Variants in ANKRD16 observed in about 807,000 individuals in gnomAD.
ANKRD16 encodes ankyrin repeat domain 16, also known as ankyrin repeat domain-containing protein 16.
Under a neutral mutation model 37.9 loss-of-function variants are expected in ANKRD16, and 35 were observed. The ratio of observed to expected loss-of-function variants is 0.92; its 90% CI spans 0.71 to 1.23. ANKRD16 has a LOEUF of 1.23. Ranked by LOEUF, ANKRD16 falls within the 50% of genes most tolerant of loss-of-function variation. The pLI is 0.00. For synonymous variants in ANKRD16, 206 were observed against 197.2 expected, an observed-to-expected ratio of 1.04 and a Z score of -0.37; for missense variants, 480 against 469.9, an observed-to-expected ratio of 1.02 and a Z score of -0.20.
In ANKRD16 at chr10:5,862,542, C is replaced by T; in HGVS notation, c.*183G>A. On this transcript the variant is annotated 3_prime_UTR_variant, in exon 8 of 8. Transcript: ENST00000380094. This position sits in a 1 kb window ranked among gnomAD's most constrained non-coding sequence, Gnocchi z 6.5. ...TGCAGATGTGGCACTGACTTCACCA[C>T]TGGTACACCTCAGATATACAACTTT... 1 of 1,220,814 alleles carries T rather than the reference C, an allele frequency of 8.2e-7. No individual in the cohort carries two copies. The highest frequency in any genetic ancestry group is 5.7e-5 in the East Asian group (1 of 17,538). The allele number at this position is 1,220,814 out of a possible 1,614,324, so 75.6% of individuals were successfully genotyped here.
chr10:5,880,635 AG>A (rs1296711662), intron 5 of ANKRD16, among the ~76,000 whole-genome samples: 2 of 146,446 alleles, frequency 1.4e-5, no homozygotes, highest in Admixed American at 1.4e-4. Flanking sequence ...TAAAAGGAGC[AG>A]GGGGGGGATT....
At position 5,874,739 on chromosome 10, in the gene ANKRD16, G is replaced by C. The variant is rs1342706896; in HGVS notation, c.*33+3358C>G. Among the ~76,000 whole-genome samples, 1 of 152,172 alleles carries C rather than the reference G, an allele frequency of 6.6e-6. No homozygotes were observed. Among genetic ancestry groups the C allele is most frequent in the Non-Finnish European group, 1.5e-5 (1 of 68,036 alleles). On this transcript the variant is annotated intron_variant, in intron 7 of 7. Transcript: ENST00000380094. This position sits in a 1 kb window ranked among gnomAD's most constrained non-coding sequence, Gnocchi z 4.7. ...CATGCAGAAACGTAAGCAGGCAGTG[G>C]AAAGTAAGGGCTAGAGAGAGATCTG...
chr10:5,881,921 T>C (rs1842323464), intron 5 of ANKRD16, among the ~76,000 whole-genome samples: 1 of 151,728 alleles, frequency 6.6e-6, no homozygotes, highest in East Asian at 2.0e-4. Context: ...TCTCCTGACC[T>C]CACGATCCAC....
chr10:5,881,442 ATATAT>A (rs1413821182), intron 5 of ANKRD16, among the ~76,000 whole-genome samples: 26 of 108,800 alleles, frequency 2.4e-4, no homozygotes, highest in African/African-American at 8.6e-4. Flanking sequence ...TATTATTTAT[ATATAT>A]ATATATATAT....
chr10:5,872,827 A>G (rs1419110623), intron 7 of ANKRD16, among the ~76,000 whole-genome samples: 1 of 151,446 alleles, frequency 6.6e-6, no homozygotes, highest in Non-Finnish European at 1.5e-5. Flanking sequence ...AAGTGCTGGC[A>G]TTACAGGCGT....
rs1010911917 is a variant in ANKRD16 at position 5,869,780 on chromosome 10, T to A, written c.*34-7089A>T. 3.2e-4 allele frequency among the ~76,000 whole-genome samples: 1 copy of A among 3,136 alleles called. No individual in the cohort carries two copies. The allele number at this position is 3,136 out of a possible 152,430, so 2.1% of individuals were successfully genotyped here. A position where few individuals can be genotyped will look rare whatever the true frequency, so the allele number is the denominator to read the frequency against. ...AGCTGGGGGTTGCTGGGGGGAGGGG[T>A]GGGTGGGTGGGAATCTGCATCTTTA... On this transcript the variant is annotated intron_variant, in intron 7 of 7. Coordinates refer to ENST00000380094, the MANE Select transcript of ANKRD16 (RefSeq NM_019046.3). This position sits in a 1 kb window ranked among gnomAD's most constrained non-coding sequence, Gnocchi z 4.0.
In ANKRD16 at chr10:5,869,621, T is replaced by C. The variant is rs1463965031; in HGVS notation, c.*34-6930A>G. On this transcript the variant is annotated intron_variant, in intron 7 of 7. Transcript: ENST00000380094. This position sits in a 1 kb window ranked among gnomAD's most constrained non-coding sequence, Gnocchi z 4.0. Reference sequence around the variant, plus strand: ...CAGCACCAAGGGCCCCAGCTCCTGCTCAGCACCCTTCTGCTCAGCTTTCCC... The same window carrying C: ...CAGCACCAAGGGCCCCAGCTCCTGCCCAGCACCCTTCTGCTCAGCTTTCCC... 6.6e-6 allele frequency among the ~76,000 whole-genome samples: 1 copy of C among 152,066 alleles called. No individual in the cohort carries two copies. Among genetic ancestry groups the C allele is most frequent in the African/African-American group, 2.4e-5 (1 of 41,414 alleles).
chr10:5,873,984 G>A lies in ANKRD16; in HGVS notation c.*33+4113C>T, dbSNP rs537270535. Among the ~76,000 whole-genome samples the A allele has an allele frequency of 7.9e-5, 12 of 151,630 alleles. No individual in the cohort carries two copies. The South Asian group carries it at 1.2e-3, about 16-fold the overall frequency. ...TGGTTCACTGCAACCTCCAACTCCC[G>A]GGTTCCAGTGATTCTCCTGCCTCAG... On this transcript the variant is annotated intron_variant, in intron 7 of 7. Transcript: ENST00000380094.
chr10:5,883,245 C>T (rs1589024040), intron 4 of ANKRD16, 78 bp from the exon 5 acceptor site: 7 of 1,488,662 alleles, frequency 4.7e-6, no homozygotes, highest in African/African-American at 1.4e-5. Flanking sequence ...TCTGCTGGCA[C>T]TTCAGCAAAA....
At chr10:5,875,574 A>G (rs1268392804) in intron 7 of ANKRD16, among the ~76,000 whole-genome samples, 1 of 152,212 alleles carries the variant, frequency 6.6e-6, no homozygotes, top group Non-Finnish European at 1.5e-5. Context: ...GACCCAAAGG[A>G]GGTGAGTAAA....
Position 5,889,267 on chromosome 10 carries a change from C to T in ANKRD16, c.88G>A (p.Gly30Arg), listed in dbSNP as rs3750659. 0.039 allele frequency: 57,271 copies of T among 1,467,994 alleles called. 1,515 individuals carry two copies. Among genetic ancestry groups the T allele is most frequent in the East Asian group, 0.11 (3,834 of 36,322 alleles). 90.9% of individuals were successfully genotyped at this position (1,467,994 alleles called of 1,614,324 possible). A position where few individuals can be genotyped will look rare whatever the true frequency, so the allele number is the denominator to read the frequency against. Residue 30 changes from glycine to arginine, a missense_variant, in exon 1 of 8, where the codon GGG becomes AGG. Gly to Arg is a moderately radical substitution (Grantham distance 125). Coordinates refer to ENST00000380094, the MANE Select transcript of ANKRD16 (RefSeq NM_019046.3). ...TCCCCGGCCGGCCCCGGGCAGCCCC[C>T]GGCCGCCTGCAGCTCCTCCTTCAGG... ...RALKEELQAA[G>R]GCPGPAGDTL... is the part of the protein sequence containing the mutation.
intron 6 of ANKRD16, among the ~76,000 whole-genome samples, chr10:5,879,256 T>C (rs1842241515): frequency 6.6e-6 from 1 of 152,248 alleles, no homozygotes; most frequent in South Asian, 2.1e-4. Context: ...GGCAGATCAC[T>C]TGAGGTCAGG....
intron 2 of ANKRD16, among the ~76,000 whole-genome samples, 180 bp downstream of exon 2, chr10:5,887,667 G>C (rs1228928509): frequency 1.3e-5 from 2 of 151,272 alleles, no homozygotes; most frequent in African/African-American, 4.8e-5. Context: ...TTACAGGCGT[G>C]AGCCACTGCA....
chr10:5,878,252 A>G lies in ANKRD16; in HGVS notation c.964T>C (p.Cys322Arg). The G allele has an allele frequency of 1.2e-6, 2 of 1,614,106 alleles. No homozygotes were observed. The highest frequency in any genetic ancestry group is 1.1e-5 in the South Asian group (1 of 91,088). Residue 322 changes from cysteine to arginine, a missense_variant, in exon 7 of 8, where the codon TGT (cysteine) becomes CGT (arginine). Cys to Arg is a radical substitution (Grantham distance 180). Transcript: ENST00000380094. The surrounding 1 kb of genome is among the most constrained non-coding windows in gnomAD (Gnocchi z 5.1). ...CCCGACTGCAGGAGAAACTTGGCAC[A>G]GGCCAAGTGCTGACCTGCACAGGCC... ...HLACAGQHLA[C>R]AKFLLQSGLK...
In ANKRD16 at chr10:5,883,005, C is replaced by A. The variant is rs759598569; in HGVS notation, c.849+1G>T. 1 of 1,613,000 alleles carries A rather than the reference C, an allele frequency of 6.2e-7. No individual in the cohort carries two copies. The highest frequency in any genetic ancestry group is 2.2e-5 in the East Asian group (1 of 44,888). On this transcript the variant is annotated splice_donor_variant, in intron 5 of 7. Coordinates refer to ENST00000380094, the MANE Select transcript of ANKRD16 (RefSeq NM_019046.3). LOFTEE classifies it high-confidence loss of function. Reference sequence around the variant, plus strand: ...GGACAACGTTATAAGAAGTAACAAACCTTAGCTGCATAATGAAGTGCTGTG... The same window carrying A: ...GGACAACGTTATAAGAAGTAACAAAACTTAGCTGCATAATGAAGTGCTGTG...
chr10:5,868,217 A>G lies in ANKRD16; in HGVS notation c.*34-5526T>C, dbSNP rs1842042660. On this transcript the variant is annotated intron_variant, in intron 7 of 7. Coordinates refer to ENST00000380094, the MANE Select transcript of ANKRD16 (RefSeq NM_019046.3). The surrounding 1 kb of genome is among the most constrained non-coding windows in gnomAD (Gnocchi z 4.9). Reference sequence around the variant, plus strand: ...GATGGTCTTACAAATGGAACCCCAAATGAGCTCAACTAACTTCTACTGAGG... The same window carrying G: ...GATGGTCTTACAAATGGAACCCCAAGTGAGCTCAACTAACTTCTACTGAGG... 6.6e-6 allele frequency among the ~76,000 whole-genome samples: 1 copy of G among 152,174 alleles called. No homozygotes were observed. Among genetic ancestry groups the G allele is most frequent in the Non-Finnish European group, 1.5e-5 (1 of 68,034 alleles).
chr10:5,889,746 G>C lies in ANKRD16; in HGVS notation c.-392C>G, dbSNP rs965371223. The C allele has an allele frequency of 1.3e-5, 2 of 159,662 alleles. No individual in the cohort carries two copies. Among genetic ancestry groups the C allele is most frequent in the Admixed American group, 6.4e-5 (1 of 15,510 alleles). 9.9% of individuals were successfully genotyped at this position (159,662 alleles called of 1,614,324 possible). ...ACGTGATTCGGGACTGAACACGTAAGGGAGTGGGGCGCGCCGCTACACCGC... is the reference window on the plus strand; with the variant it reads ...ACGTGATTCGGGACTGAACACGTAACGGAGTGGGGCGCGCCGCTACACCGC... On this transcript the variant is annotated 5_prime_UTR_variant, in exon 1 of 8. Transcript: ENST00000380094.
Position 5,870,111 on chromosome 10 carries a change from TCTGTAAA to T in ANKRD16, c.*34-7427_*34-7421del, listed in dbSNP as rs1185801936. Among the ~76,000 whole-genome samples, 4 of 152,118 alleles carry T rather than the reference TCTGTAAA, an allele frequency of 2.6e-5. No individual in the cohort carries two copies. The highest frequency in any genetic ancestry group is 7.2e-5 in the African/African-American group (3 of 41,412). On this transcript the variant is annotated intron_variant, in intron 7 of 7. Transcript: ENST00000380094. The surrounding 1 kb of genome is among the most constrained non-coding windows in gnomAD (Gnocchi z 5.0). ...TTCTGTTGGACCATTCTCTCAGCAA[TCTGTAAA>T]CTGTAATCTGCTCCATTAAAAAAAC...
At chr10:5,880,091 G>T (rs1842264675) in intron 6 of ANKRD16, among the ~76,000 whole-genome samples, 2 of 149,158 alleles carry the variant, frequency 1.3e-5, no homozygotes, top group African/African-American at 4.9e-5. Context: ...CCAGGAGGTG[G>T]ATGTTGCAGA....
Sources: gnomAD v4.1 joint callset for allele counts (sites outside exome capture counted in the v4.1 genomes callset) on GRCh38, gnomAD v4.1.1 for gene constraint, Gnocchi (gnomAD v3.1) non-coding constraint, MANE v1.5 for transcripts, NCBI Gene and HGNC (gene_info 2026-07-23, HGNC 2026-07-21) for gene names.